PARD3B: variants seen among roughly 807,000 people sequenced by gnomAD.
The protein encoded by PARD3B is partitioning defective 3 homolog B.
In PARD3B, 103 loss-of-function variants were observed where a neutral mutation model predicts 130.2. That is an observed-to-expected ratio of 0.79 (90% CI 0.67 to 0.93). The LOEUF (loss-of-function observed/expected upper bound fraction) is 0.93, where lower values mean the gene tolerates loss of function less well. Among genes scored for constraint, PARD3B ranks in the 40% least tolerant of loss-of-function variants. The pLI is 0.00. For synonymous variants in PARD3B, 583 were observed against 553.2 expected (o/e 1.05, Z -0.76); for missense variants, 1,609 against 1,499.2 (o/e 1.07, Z -1.21).
At chr2:205,221,078 G>T (rs1474565041) in intron 15 of PARD3B, among the ~76,000 whole-genome samples, 1 of 152,156 alleles carries the variant, frequency 6.6e-6, no homozygotes, top group African/African-American at 2.4e-5. Flanking sequence ...TTTGGTTTTA[G>T]TTTTTAAATA....
intron 2 of PARD3B, among the ~76,000 whole-genome samples, chr2:204,798,801 T>G (rs2042463845): frequency 6.6e-6 from 1 of 152,056 alleles, no homozygotes; most frequent in Non-Finnish European, 1.5e-5. Flanking sequence ...GGGAACCCGA[T>G]GCCTTGAAGG....
chr2:204,794,523 G>A (rs923031787), intron 2 of PARD3B, among the ~76,000 whole-genome samples: 5 of 152,064 alleles, frequency 3.3e-5, no homozygotes, highest in Non-Finnish European at 7.4e-5. Flanking sequence ...CTTTGACGTG[G>A]ACAATTCCAG....
At chr2:205,047,112 A>G (rs1698841056) in intron 3 of PARD3B, among the ~76,000 whole-genome samples, 1 of 152,210 alleles carries the variant, frequency 6.6e-6, no homozygotes. Context: ...TAACCCCAGC[A>G]AATAATTTAT....
chr2:204,931,909 T>C (rs2125778856), intron 2 of PARD3B, among the ~76,000 whole-genome samples: 1 of 152,160 alleles, frequency 6.6e-6, no homozygotes, highest in Non-Finnish European at 1.5e-5. Flanking sequence ...CTCATAATCA[T>C]TGCTTTGTTT....
intron 2 of PARD3B, among the ~76,000 whole-genome samples, chr2:204,777,403 A>G (rs886399198): frequency 1.3e-5 from 2 of 152,140 alleles, no homozygotes; most frequent in Non-Finnish European, 2.9e-5. Context: ...GAGAGAGAGT[A>G]ATGAAAGGAA....
chr2:204,672,246 ATTGTTT>A (rs1305856412), intron 1 of PARD3B, among the ~76,000 whole-genome samples: 1 of 152,202 alleles, frequency 6.6e-6, no homozygotes, highest in Non-Finnish European at 1.5e-5. Flanking sequence ...GTTTTAGCTA[ATTGTTT>A]TTGGAGTTTG....
At chr2:204,736,670 C>T (rs2039771430) in intron 2 of PARD3B, among the ~76,000 whole-genome samples, 1 of 152,100 alleles carries the variant, frequency 6.6e-6, no homozygotes, top group Admixed American at 6.6e-5. Context: ...TTTCTTTATC[C>T]ACTTGGAAGT....
intron 1 of PARD3B, among the ~76,000 whole-genome samples, chr2:204,666,446 A>G (rs2036026168): frequency 6.6e-6 from 1 of 152,170 alleles, no homozygotes; most frequent in Non-Finnish European, 1.5e-5. Context: ...CAAATATGTC[A>G]CTATAGGAAG....
At chr2:204,883,415 ATAAT>A (rs1426749400) in intron 2 of PARD3B, among the ~76,000 whole-genome samples, 1 of 116,056 alleles carries the variant, frequency 8.6e-6, no homozygotes, top group African/African-American at 3.5e-5. Context: ...TTATATATAT[ATAAT>A]ATATATATAT....
chr2:205,103,734 G>T (rs1702994922), intron 4 of PARD3B: 1 of 985,334 alleles, frequency 1.0e-6, no homozygotes, highest in Non-Finnish European at 1.2e-6. Flanking sequence ...CATCAGGCGT[G>T]CTTTCTAGAA....
At chr2:205,060,632 G>A (rs564409178) in intron 4 of PARD3B, among the ~76,000 whole-genome samples, 7 of 152,038 alleles carry the variant, frequency 4.6e-5, no homozygotes, top group Non-Finnish European at 1.0e-4. Context: ...CTTGAGTACA[G>A]CATTTAGCAG....
At chr2:205,436,367 G>A (rs1210232975) in intron 19 of PARD3B, among the ~76,000 whole-genome samples, 1 of 152,094 alleles carries the variant, frequency 6.6e-6, no homozygotes, top group Non-Finnish European at 1.5e-5. Context: ...GGGTCAATAA[G>A]TACCATATTC....
Position 205,574,247 on chromosome 2 carries a change from G to T in PARD3B, c.3260+20844G>T, listed in dbSNP as rs144909409. Among the ~76,000 whole-genome samples, 12 of 152,298 alleles carry T rather than the reference G, an allele frequency of 7.9e-5. No individual in the cohort carries two copies. In the East Asian group the frequency reaches 2.1e-3, roughly 27 times the overall value. Reference sequence around the variant, plus strand: ...AAGCATAAAATTAAAAGAGTCGAAAGTTTGTAGATTGCCTAAACATAATTT... The same window carrying T: ...AAGCATAAAATTAAAAGAGTCGAAATTTTGTAGATTGCCTAAACATAATTT... On this transcript the variant is annotated intron_variant, in intron 22 of 22. Transcript: ENST00000406610.
rs2055423194 is a variant in PARD3B at position 205,616,047 on chromosome 2, A to G, written c.*234A>G. The G allele has an allele frequency of 7.7e-6, 4 of 519,474 alleles. No homozygotes were observed. The highest frequency in any genetic ancestry group is 3.8e-5 in the African/African-American group (2 of 52,146). The allele number at this position is 519,474 out of a possible 1,614,324, so 32.2% of individuals were successfully genotyped here. On this transcript the variant is annotated 3_prime_UTR_variant, in exon 23 of 23. Transcript: ENST00000406610. ...AAGATGGGGCTATAAAAACAAAACT[A>G]CCTGATAGTTGAAACGCTTTCAGAG...
chr2:204,712,910 T>G (rs1460460310), intron 2 of PARD3B, among the ~76,000 whole-genome samples: 1 of 152,158 alleles, frequency 6.6e-6, no homozygotes, highest in African/African-American at 2.4e-5. Flanking sequence ...ATTGTCGAGT[T>G]TTATATGGTT....
chr2:205,298,187 T>G (rs1192685675), intron 16 of PARD3B, among the ~76,000 whole-genome samples: 1 of 152,318 alleles, frequency 6.6e-6, no homozygotes, highest in East Asian at 1.9e-4. Flanking sequence ...TGACAGAGAA[T>G]CAGGGCTTTC....
intron 22 of PARD3B, among the ~76,000 whole-genome samples, chr2:205,578,228 C>T (rs1408757155): frequency 4.6e-5 from 7 of 152,160 alleles, no homozygotes; most frequent in African/African-American, 9.7e-5. Context: ...GACAGTGTTA[C>T]GAGTGCATTA....
At chr2:204,570,170 A>G (rs2031909140) in intron 1 of PARD3B, among the ~76,000 whole-genome samples, 2 of 152,198 alleles carry the variant, frequency 1.3e-5, no homozygotes, top group Admixed American at 1.3e-4. Context: ...CAAAATGTAC[A>G]GTAAAGTATG....
At position 205,562,936 on chromosome 2, in the gene PARD3B, A is replaced by G. The variant is rs891300939; in HGVS notation, c.3260+9533A>G. On this transcript the variant is annotated intron_variant, in intron 22 of 22. Transcript: ENST00000406610. This position sits in a 1 kb window ranked among gnomAD's most constrained non-coding sequence, Gnocchi z 5.4. ...AGGTATCTTAGTATCAACCTACTAT[A>G]GACAGAGACATTATGAATAAATGAA... is the stretch of plus-strand genomic sequence containing the variant. Among the ~76,000 whole-genome samples, 1 of 152,206 alleles carries G rather than the reference A, an allele frequency of 6.6e-6. No individual in the cohort carries two copies. Among genetic ancestry groups the G allele is most frequent in the Non-Finnish European group, 1.5e-5 (1 of 68,046 alleles).
Sources: allele counts gnomAD v4.1 joint callset (sites outside exome capture counted in the v4.1 genomes callset), GRCh38; gene constraint gnomAD v4.1.1; non-coding constraint Gnocchi (gnomAD v3.1); transcripts MANE v1.5; gene names NCBI Gene and HGNC (gene_info 2026-07-23, HGNC 2026-07-21).